The following SPAG16 variants were observed in gnomAD, a reference collection of about 807,000 sequenced individuals.
SPAG16 encodes the protein sperm associated antigen 16.
SPAG16 carries 86 observed loss-of-function variants against 80.4 expected under a neutral mutation model. The observed-to-expected ratio is 1.07, with a 90% CI of 0.90 to 1.28. SPAG16 has a LOEUF of 1.28. Ranked by LOEUF, SPAG16 falls within the 50% of genes most tolerant of loss-of-function variation. The pLI is 0.00. For synonymous variants in SPAG16, 294 were observed against 265.9 expected (o/e 1.11, Z -1.03); for missense variants, 870 against 765.3 (o/e 1.14, Z -1.61).
intron 10 of SPAG16, among the ~76,000 whole-genome samples, chr2:213,584,541 A>G (rs1462823787): frequency 1.3e-5 from 2 of 152,072 alleles, no homozygotes; most frequent in African/African-American, 4.8e-5. Flanking sequence ...AGTATTTTCT[A>G]TTCAAGAAAA....
chr2:213,572,424 T>C (rs1186447627), intron 10 of SPAG16, among the ~76,000 whole-genome samples: 1 of 137,934 alleles, frequency 7.2e-6, no homozygotes, highest in Admixed American at 7.4e-5. Flanking sequence ...TCGGTGTAGA[T>C]GTCCTTTCTG....
intron 15 of SPAG16, among the ~76,000 whole-genome samples, chr2:214,202,209 G>A (rs1256750334): frequency 6.6e-6 from 1 of 152,092 alleles, no homozygotes; most frequent in Admixed American, 6.5e-5. Flanking sequence ...CACCAACAAA[G>A]TCAGTCATTT....
At chr2:213,899,422 G>T (rs1479338764) in intron 11 of SPAG16, among the ~76,000 whole-genome samples, 1 of 151,960 alleles carries the variant, frequency 6.6e-6, no homozygotes, top group Admixed American at 6.6e-5. Flanking sequence ...CCTCTTACTA[G>T]AAGTTTTATA....
At chr2:214,273,598 A>G (rs866868959) in intron 15 of SPAG16, among the ~76,000 whole-genome samples, 1 of 151,982 alleles carries the variant, frequency 6.6e-6, no homozygotes. Flanking sequence ...CAAAGATCAG[A>G]TTATTGTAGA....
intron 14 of SPAG16, among the ~76,000 whole-genome samples, chr2:214,144,578 C>T (rs889677850): frequency 2.6e-5 from 4 of 152,052 alleles, no homozygotes; most frequent in African/African-American, 9.7e-5. Flanking sequence ...TTAGTGTTTA[C>T]AACATTCTCA....
chr2:213,632,771 T>C (rs753454595), intron 10 of SPAG16, among the ~76,000 whole-genome samples: 3 of 152,198 alleles, frequency 2.0e-5, no homozygotes, highest in Non-Finnish European at 4.4e-5. Context: ...ATGTATTACA[T>C]TGATTGATTG....
At chr2:213,368,471 A>C (rs1438936766) in intron 8 of SPAG16, among the ~76,000 whole-genome samples, 1 of 152,228 alleles carries the variant, frequency 6.6e-6, no homozygotes, top group Admixed American at 6.5e-5. Flanking sequence ...CTGAATGGGC[A>C]AAAACTGGAA....
chr2:214,079,943 T>C (rs937375229), intron 13 of SPAG16, among the ~76,000 whole-genome samples: 3 of 152,214 alleles, frequency 2.0e-5, no homozygotes, highest in Non-Finnish European at 2.9e-5. Flanking sequence ...GAATGTGGAC[T>C]CTGCAGTCAG....
chr2:213,563,032 C>A (rs534348361), intron 10 of SPAG16, among the ~76,000 whole-genome samples: 1 of 152,332 alleles, frequency 6.6e-6, no homozygotes, highest in South Asian at 2.1e-4. Context: ...GGCGGGGGAA[C>A]ACAGACATTT....
chr2:214,029,566 C>T (rs2048310535), intron 13 of SPAG16, among the ~76,000 whole-genome samples: 2 of 151,702 alleles, frequency 1.3e-5, no homozygotes, highest in Admixed American at 1.3e-4. Context: ...TGGATGGGAC[C>T]AGAATGATAG....
chr2:214,302,517 G>A (rs1694625327), intron 15 of SPAG16, among the ~76,000 whole-genome samples: 2 of 152,180 alleles, frequency 1.3e-5, no homozygotes, highest in Non-Finnish European at 2.9e-5. Context: ...GTCTCACTCT[G>A]TCACCCAGGC....
intron 12 of SPAG16, among the ~76,000 whole-genome samples, chr2:213,967,860 T>C (rs1360253860): frequency 6.6e-6 from 1 of 152,224 alleles, no homozygotes; most frequent in Non-Finnish European, 1.5e-5. Flanking sequence ...TTTATGGGAC[T>C]TGAAGAACCA....
At chr2:213,356,133 C>A (rs1422309537) in intron 7 of SPAG16, among the ~76,000 whole-genome samples, 2 of 151,872 alleles carry the variant, frequency 1.3e-5, no homozygotes, top group Non-Finnish European at 2.9e-5. Context: ...TTTTGATGTG[C>A]TGCTGGATTC....
intron 5 of SPAG16, among the ~76,000 whole-genome samples, chr2:213,329,929 T>TCAGGCAA: frequency 6.6e-6 from 1 of 152,316 alleles, no homozygotes; most frequent in South Asian, 2.1e-4. Flanking sequence ...AAGGTACAGC[T>TCAGGCAA]CAGGCTGTTG....
intron 15 of SPAG16, among the ~76,000 whole-genome samples, chr2:214,318,373 CTTTTTTTTTTTTTT>C (rs34923875): frequency 1.4e-5 from 1 of 69,804 alleles, no homozygotes; most frequent in African/African-American, 5.8e-5. Context: ...AGAGTGAATT[CTTTTTTTTTTTTTT>C]TTTTTTTTTT....
intron 11 of SPAG16, among the ~76,000 whole-genome samples, chr2:213,894,987 C>CAAA (rs71063793): frequency 1.2e-4 from 6 of 49,296 alleles, no homozygotes; most frequent in African/African-American, 5.8e-4. Context: ...GGCTCCATCT[C>CAAA]AAAAAAAAAA....
intron 10 of SPAG16, among the ~76,000 whole-genome samples, chr2:213,572,702 C>T (rs2059959410): frequency 2.0e-5 from 3 of 152,002 alleles, no homozygotes; most frequent in Admixed American, 2.0e-4. Context: ...TTTGTCTGTG[C>T]CCTGCCCCCA....
At chr2:214,081,321 T>C (rs1298030276) in intron 13 of SPAG16, among the ~76,000 whole-genome samples, 1 of 152,130 alleles carries the variant, frequency 6.6e-6, no homozygotes, top group Non-Finnish European at 1.5e-5. Context: ...TATGTTCAAA[T>C]CCTAACCCCC....
chr2:214,226,422 A>G (rs1395217841), intron 15 of SPAG16, among the ~76,000 whole-genome samples: 2 of 152,126 alleles, frequency 1.3e-5, no homozygotes, highest in Non-Finnish European at 2.9e-5. Flanking sequence ...CTGATTATTT[A>G]ATAAAAAGAA....
Sources: allele counts gnomAD v4.1 joint callset (sites outside exome capture counted in the v4.1 genomes callset), GRCh38; gene constraint gnomAD v4.1.1; transcripts MANE v1.5; gene names NCBI Gene and HGNC (gene_info 2026-07-23, HGNC 2026-07-21).